SCYL2: variants seen among roughly 807,000 people sequenced by gnomAD.
SCYL2 encodes the protein SCY1 like pseudokinase 2.
SCYL2 carries 36 observed loss-of-function variants against 100.4 expected under a neutral mutation model. The observed-to-expected ratio is 0.36, with a 90% confidence interval of 0.27 to 0.47. SCYL2 has a LOEUF of 0.47. Among genes scored for constraint, SCYL2 ranks in the 20% least tolerant of loss-of-function variants. SCYL2 has a pLI of 1.00. For missense variants in SCYL2, 902 were observed against 1,083.9 expected (o/e 0.83, Z 2.36); for synonymous variants, 330 against 359.2 (o/e 0.92, Z 0.92).
intron 13 of SCYL2, among the ~76,000 whole-genome samples, chr12:100,332,461 A>G (rs527846413): frequency 3.5e-4 from 54 of 152,310 alleles, no homozygotes; most frequent in African/African-American, 9.1e-4. Flanking sequence ...TAGGCCTACA[A>G]TGTTAACTGT....
At chr12:100,283,600 C>T (rs180688328) in intron 2 of SCYL2, among the ~76,000 whole-genome samples, 92 of 152,216 alleles carry the variant, frequency 6.0e-4, no homozygotes, top group Non-Finnish European at 1.1e-3. Flanking sequence ...CCACCGTGCC[C>T]GGCCAAAATC....
intron 7 of SCYL2, among the ~76,000 whole-genome samples, chr12:100,313,788 A>G (rs2096345119): frequency 6.6e-6 from 1 of 152,224 alleles, no homozygotes; most frequent in African/African-American, 2.4e-5. Flanking sequence ...AAGATTTCAA[A>G]TAAGCAGAGT....
At chr12:100,273,290 A>G (rs1443215646) in intron 1 of SCYL2, among the ~76,000 whole-genome samples, 1 of 151,984 alleles carries the variant, frequency 6.6e-6, no homozygotes, top group Non-Finnish European at 1.5e-5. Context: ...TTCTCTATCC[A>G]GTTTACTCCT....
At chr12:100,331,564 C>T (rs150124226) in intron 13 of SCYL2, among the ~76,000 whole-genome samples, 4 of 152,228 alleles carry the variant, frequency 2.6e-5, no homozygotes, top group Admixed American at 2.0e-4. Context: ...TTTGAGATTG[C>T]ACCACTGCAC....
At chr12:100,322,597 A>C (rs1405341819) in intron 10 of SCYL2, among the ~76,000 whole-genome samples, 1 of 151,990 alleles carries the variant, frequency 6.6e-6, no homozygotes, top group Non-Finnish European at 1.5e-5. Context: ...TCTTTACAAA[A>C]AATTGAAAAA....
At position 100,331,484 on chromosome 12, in the gene SCYL2, G is replaced by A. The variant is rs530521235; in HGVS notation, c.1761+2165G>A. ...TAGCCAGGTGTGGTGGTGTGCGCCT[G>A]TAGTCCCAGCTACCAGAGGGAGCTG... On this transcript the variant is annotated intron_variant, in intron 13 of 17. Transcript: ENST00000360820. Among the ~76,000 whole-genome samples, 29 of 152,190 alleles carry A rather than the reference G, an allele frequency of 1.9e-4. 1 individual carries two copies. The South Asian group carries it at 5.6e-3, about 29-fold the overall frequency.
intron 4 of SCYL2, among the ~76,000 whole-genome samples, chr12:100,305,918 A>C (rs569367396): frequency 6.6e-6 from 1 of 152,288 alleles, no homozygotes; most frequent in South Asian, 2.1e-4. Flanking sequence ...GAAATGGATA[A>C]ATTCCTGGAC....
In SCYL2 at chr12:100,311,136, C is replaced by G. The variant is rs1566360726; in HGVS notation, c.573C>G (p.Ala191=). 6.2e-7 allele frequency: 1 copy of G among 1,609,938 alleles called. No homozygotes were observed. Among genetic ancestry groups the G allele is most frequent in the Middle Eastern group, 1.7e-4 (1 of 6,046 alleles). Reference sequence around the variant, plus strand: ...ATATAATTTTGAATAAAAGTGGAGCCTGGAAAATAATGGGTTTTGATTTTT... The same window carrying G: ...ATATAATTTTGAATAAAAGTGGAGCGTGGAAAATAATGGGTTTTGATTTTT... ...PENIILNKSG[A]WKIMGFDFCV... is the part of the protein sequence containing the mutation. Residue 191 remains alanine, a synonymous_variant, in exon 5 of 18, where the codon GCC becomes GCG. Transcript: ENST00000360820.
intron 8 of SCYL2, 69 bp from the exon 9 acceptor site, chr12:100,315,489 A>G: frequency 7.7e-7 from 1 of 1,294,146 alleles, no homozygotes; most frequent in South Asian, 1.7e-5. Context: ...TTTAGACCTT[A>G]GTGTTAACTA....
intron 13 of SCYL2, among the ~76,000 whole-genome samples, chr12:100,329,988 T>C (rs2135932447): frequency 6.6e-6 from 1 of 152,232 alleles, no homozygotes. Context: ...AGACTGAAAT[T>C]ATAGTCCCTT....
intron 14 of SCYL2, among the ~76,000 whole-genome samples, chr12:100,335,058 G>A (rs984438215): frequency 6.6e-6 from 1 of 152,038 alleles, no homozygotes; most frequent in African/African-American, 2.4e-5. Flanking sequence ...ATTCTATAGT[G>A]TGTATGTATG....
At chr12:100,294,270 T>C in intron 3 of SCYL2, among the ~76,000 whole-genome samples, 1 of 108,774 alleles carries the variant, frequency 9.2e-6, no homozygotes, top group South Asian at 3.2e-4. Context: ...CCCCCCAACC[T>C]CCCTCCCGGA....
In SCYL2 at chr12:100,312,556, T is replaced by C; in HGVS notation, c.755T>C (p.Leu252Ser). 1 of 1,612,980 alleles carries C rather than the reference T, an allele frequency of 6.2e-7. No homozygotes were observed. The highest frequency in any genetic ancestry group is 8.5e-7 in the Non-Finnish European group (1 of 1,179,036). ...GAAACAGCCAGTGATATGTATTCTT[T>C]AGGAACTGTTATGTATGCTGTATTT... Reference protein sequence around the residue: ...SCETASDMYSLGTVMYAVFNK... With the variant: ...SCETASDMYSSGTVMYAVFNK... Residue 252 changes from leucine (L) to serine (S), a missense_variant, in exon 6 of 18, where the codon TTA becomes TCA. Physicochemically the swap from Leu to Ser is moderately radical, Grantham distance 145. Transcript: ENST00000360820.
chr12:100,295,681 A>AGACC (rs2096319127), intron 3 of SCYL2, among the ~76,000 whole-genome samples: 1 of 151,112 alleles, frequency 6.6e-6, no homozygotes, highest in African/African-American at 2.5e-5. Context: ...CATGAGAGGG[A>AGACC]GACCGTGGAA....
chr12:100,318,058 CAT>C (rs2096351151), intron 10 of SCYL2, 133 bp downstream of exon 10: 1 of 776,994 alleles, frequency 1.3e-6, no homozygotes, highest in African/African-American at 1.8e-5. Flanking sequence ...TTTTGAATCA[CAT>C]TATTGATATA....
intron 1 of SCYL2, among the ~76,000 whole-genome samples, chr12:100,277,315 TC>T (rs770812419): frequency 9.2e-5 from 14 of 152,252 alleles, no homozygotes; most frequent in Non-Finnish European, 1.6e-4. Flanking sequence ...TACTGATTTT[TC>T]TCTCTGCTTC....
chr12:100,267,969 C>T (rs2096281260), intron 1 of SCYL2, among the ~76,000 whole-genome samples, 177 bp downstream of exon 1: 1 of 152,128 alleles, frequency 6.6e-6, no homozygotes, highest in Non-Finnish European at 1.5e-5. Flanking sequence ...ACGGTTACTC[C>T]TGCAGTCTTG....
In SCYL2 at chr12:100,339,322, A is replaced by G; in HGVS notation, c.*150A>G. The G allele has an allele frequency of 1.3e-6, 1 of 769,410 alleles. No homozygotes were observed. The highest frequency in any genetic ancestry group is 2.0e-6 in the Non-Finnish European group (1 of 491,014). The allele number at this position is 769,410 out of a possible 1,614,324, so 47.7% of individuals were successfully genotyped here. Reference sequence around the variant, plus strand: ...ACATCTCTGTCCATGCCAGCATAGTAGTTGTATGGACTTCTAACCAGTTGA... The same window carrying G: ...ACATCTCTGTCCATGCCAGCATAGTGGTTGTATGGACTTCTAACCAGTTGA... On this transcript the variant is annotated 3_prime_UTR_variant, in exon 18 of 18. Coordinates refer to ENST00000360820, the MANE Select transcript of SCYL2 (RefSeq NM_017988.6).
intron 3 of SCYL2, among the ~76,000 whole-genome samples, chr12:100,297,181 T>C (rs1272900070): frequency 1.3e-5 from 2 of 152,216 alleles, no homozygotes; most frequent in Non-Finnish European, 2.9e-5. Flanking sequence ...GGTAAGCTTA[T>C]TGAGCTTACA....
Sources: allele counts gnomAD v4.1 joint callset (sites outside exome capture counted in the v4.1 genomes callset), GRCh38; gene constraint gnomAD v4.1.1; transcripts MANE v1.5; gene names NCBI Gene and HGNC (gene_info 2026-07-23, HGNC 2026-07-21).